Variants in WDR64 observed in about 807,000 individuals in gnomAD.
The protein encoded by WDR64 is WD repeat-containing protein 64.
Under a neutral mutation model 139.3 loss-of-function variants are expected in WDR64, and 112 were observed. That is an observed-to-expected ratio of 0.80 (90% CI 0.69 to 0.94). The LOEUF is 0.94. Ranked by LOEUF, WDR64 falls within the 40% of genes least tolerant of loss-of-function variation. The pLI is 0.00. For missense variants in WDR64, 1,206 were observed against 1,293.1 expected (o/e 0.93, Z 1.03); for synonymous variants, 444 against 437.7 (o/e 1.01, Z -0.18).
At chr1:241,744,626 A>G (rs1669683517) in intron 13 of WDR64, 110 bp downstream of exon 13, 2 of 1,425,150 alleles carry the variant, frequency 1.4e-6, no homozygotes, top group African/African-American at 1.4e-5. Context: ...AGGCTGGACT[A>G]TGTCTGGGTG....
intron 1 of WDR64, among the ~76,000 whole-genome samples, 155 bp from the exon 2 acceptor site, chr1:241,660,375 G>A (rs954104796): frequency 6.6e-6 from 1 of 152,176 alleles, no homozygotes; most frequent in Non-Finnish European, 1.5e-5. Flanking sequence ...TTTTGCTTAG[G>A]ATTGTGCAAA....
chr1:241,672,647 T>C (rs981362232), intron 3 of WDR64, among the ~76,000 whole-genome samples: 1 of 152,106 alleles, frequency 6.6e-6, no homozygotes, highest in African/African-American at 2.4e-5. Flanking sequence ...GTATGTCAGA[T>C]GGTAATACAC....
In WDR64 at chr1:241,795,268, G is replaced by C; in HGVS notation, c.3059G>C (p.Gly1020Ala). 6.2e-7 allele frequency: 1 copy of C among 1,613,668 alleles called. No homozygotes were observed. The highest frequency in any genetic ancestry group is 8.5e-7 in the Non-Finnish European group (1 of 1,179,790). Residue 1020 changes from glycine to alanine, a missense_variant, in exon 26 of 28, where the codon GGC (glycine) becomes GCC (alanine). Physicochemically the swap from Gly to Ala is moderately conservative, Grantham distance 60 (BLOSUM62 0). Transcript: ENST00000437684. ...AACAGAGAGGCAGGGATTGTTTTCGGCTCTCTGCCTATATACAGTGTGAGT... is the reference window on the plus strand; with the variant it reads ...AACAGAGAGGCAGGGATTGTTTTCGCCTCTCTGCCTATATACAGTGTGAGT... ...TENREAGIVFGSLPIYSISSP... is the reference protein window; with the variant it reads ...TENREAGIVFASLPIYSISSP...
intron 15 of WDR64, among the ~76,000 whole-genome samples, 196 bp downstream of exon 15, chr1:241,757,655 T>C (rs564949611): frequency 0.011 from 1,637 of 143,844 alleles, 27 homozygotes; most frequent in African/African-American, 0.041. Context: ...ATTTGTTTTT[T>C]TTTTTTTTTT....
intron 8 of WDR64, among the ~76,000 whole-genome samples, chr1:241,710,771 C>T (rs1051280811): frequency 3.9e-5 from 6 of 152,210 alleles, no homozygotes; most frequent in African/African-American, 1.4e-4. Context: ...CCTGGAAGGG[C>T]GATAGGGATC....
chr1:241,652,550 G>A lies in WDR64; in HGVS notation c.66G>A (p.Leu22=), dbSNP rs1228658801. The part of the protein sequence containing the change: ...ALQMSNFKKA[L]NRFEKLVEQT... ...AGATGAGCAATTTCAAAAAGGCTTT[G>A]AACAGGTTTGAAAAATTGGTTGAAC... The change falls in exon 1 of 28, where the codon TTG becomes TTA. Residue 22 remains leucine, a synonymous_variant. Transcript: ENST00000437684. 1 of 1,552,106 alleles carries A rather than the reference G, an allele frequency of 6.4e-7. No individual in the cohort carries two copies. Among genetic ancestry groups the A allele is most frequent in the Admixed American group, 2.0e-5 (1 of 51,004 alleles).
chr1:241,773,275 G>T (rs574853309), intron 20 of WDR64, among the ~76,000 whole-genome samples: 5 of 152,304 alleles, frequency 3.3e-5, no homozygotes, highest in African/African-American at 7.2e-5. Flanking sequence ...ATTGAGAAAA[G>T]AATGTTCAAC....
chr1:241,719,297 T>C (rs1009007331), intron 9 of WDR64, among the ~76,000 whole-genome samples: 7 of 152,174 alleles, frequency 4.6e-5, no homozygotes, highest in African/African-American at 1.7e-4. Flanking sequence ...TTTGAATTCT[T>C]ACTATAGATT....
chr1:241,784,121 T>A (rs1270374587), intron 23 of WDR64, among the ~76,000 whole-genome samples: 1 of 152,220 alleles, frequency 6.6e-6, no homozygotes, highest in East Asian at 1.9e-4. Flanking sequence ...CCTAGCTAAC[T>A]GTGTGGGCTT....
intron 2 of WDR64, among the ~76,000 whole-genome samples, chr1:241,661,329 T>C (rs1281794998): frequency 1.3e-5 from 2 of 151,816 alleles, no homozygotes; most frequent in Non-Finnish European, 2.9e-5. Context: ...ATTGACCACA[T>C]TAGGCTAAAA....
At chr1:241,778,596 C>T (rs1452842237) in intron 21 of WDR64, among the ~76,000 whole-genome samples, 1 of 152,030 alleles carries the variant, frequency 6.6e-6, no homozygotes, top group Non-Finnish European at 1.5e-5. Flanking sequence ...GTCTTCCAGT[C>T]TTTTTCTGCC....
chr1:241,789,856 A>G (rs1472066360), intron 24 of WDR64, among the ~76,000 whole-genome samples: 2 of 152,110 alleles, frequency 1.3e-5, no homozygotes, highest in Non-Finnish European at 2.9e-5. Context: ...GAAATAACAA[A>G]CCTGCACATG....
chr1:241,659,551 C>T (rs1665742834), intron 1 of WDR64, among the ~76,000 whole-genome samples: 1 of 152,160 alleles, frequency 6.6e-6, no homozygotes, highest in Non-Finnish European at 1.5e-5. Flanking sequence ...TCCTTTTTCT[C>T]CCCAACCTCG....
chr1:241,771,979 T>C (rs1458154884), intron 19 of WDR64, among the ~76,000 whole-genome samples: 33 of 134,350 alleles, frequency 2.5e-4, no homozygotes, highest in Admixed American at 2.3e-3. Context: ...TATATATATA[T>C]ATATATATAT....
At chr1:241,695,277 T>C (rs905895073) in intron 8 of WDR64, among the ~76,000 whole-genome samples, 1 of 152,192 alleles carries the variant, frequency 6.6e-6, no homozygotes, top group Non-Finnish European at 1.5e-5. Context: ...TTTAAAAAAA[T>C]ATCCTCAGAA....
chr1:241,788,496 G>C (rs1456699413), intron 24 of WDR64, among the ~76,000 whole-genome samples: 1 of 152,172 alleles, frequency 6.6e-6, no homozygotes, highest in Non-Finnish European at 1.5e-5. Context: ...GCCTTCAGGG[G>C]ACCAGACCTG....
intron 10 of WDR64, among the ~76,000 whole-genome samples, chr1:241,733,907 T>C (rs375420846): frequency 1.6e-4 from 25 of 152,158 alleles, no homozygotes; most frequent in African/African-American, 6.0e-4. Context: ...GCATCACTAA[T>C]ACCTGTCATA....
Position 241,652,575 on chromosome 1 carries a change from C to A in WDR64, c.91C>A (p.Gln31Lys). 2.6e-6 allele frequency: 4 copies of A among 1,551,840 alleles called. No homozygotes were observed. Among genetic ancestry groups the A allele is most frequent in the Non-Finnish European group, 3.5e-6 (4 of 1,147,012 alleles). Residue 31 changes from glutamine (Q) to lysine (K), a missense_variant, in exon 1 of 28, where the codon CAA becomes AAA. By Grantham distance (53) the Gln-to-Lys change is moderately conservative. Transcript: ENST00000437684. ...ALNRFEKLVE[Q>K]TAAQKRDERA... ...GAACAGGTTTGAAAAATTGGTTGAA[C>A]AAACAGCAGCCCAGAAAAGAGATGA... is the stretch of plus-strand genomic sequence containing the variant.
At chr1:241,705,402 C>T (rs1667900393) in intron 8 of WDR64, among the ~76,000 whole-genome samples, 2 of 151,654 alleles carry the variant, frequency 1.3e-5, no homozygotes, top group East Asian at 1.9e-4. Flanking sequence ...AATAGCAGGG[C>T]ATGGTGGCGG....
Sources: allele counts gnomAD v4.1 joint callset (sites outside exome capture counted in the v4.1 genomes callset), GRCh38; gene constraint gnomAD v4.1.1; transcripts MANE v1.5; gene names NCBI Gene and HGNC (gene_info 2026-07-23, HGNC 2026-07-21).